SNX25: variants seen among roughly 807,000 people sequenced by gnomAD.
SNX25 encodes sorting nexin-25.
SNX25 carries 62 observed loss-of-function variants against 113.7 expected under a neutral mutation model. The ratio of observed to expected loss-of-function variants is 0.55; its 90% confidence interval spans 0.44 to 0.67. SNX25 has a LOEUF of 0.67. Among genes scored for constraint, SNX25 ranks in the 30% least tolerant of loss-of-function variants. The pLI is 0.00. For missense variants in SNX25, 1,014 were observed against 1,161.0 expected (o/e 0.87, Z 1.84); for synonymous variants, 421 against 436.2 (o/e 0.97, Z 0.43).
chr4:185,251,570 C>T (rs1431341585), intron 2 of SNX25, among the ~76,000 whole-genome samples: 1 of 149,574 alleles, frequency 6.7e-6, no homozygotes, highest in Non-Finnish European at 1.5e-5. Context: ...GATTTCCTTC[C>T]GTTTTCAGGC....
chr4:185,243,840 T>G (rs1233967132), intron 1 of SNX25, among the ~76,000 whole-genome samples: 2 of 152,060 alleles, frequency 1.3e-5, no homozygotes, highest in Admixed American at 1.3e-4. Flanking sequence ...ACTAGGAAGA[T>G]AAAAAATAAG....
exon 12 of SNX25, chr4:185,369,962 C>T (rs2095409553): frequency 3.8e-6 from 1 of 266,080 alleles, no homozygotes; most frequent in Admixed American, 5.2e-5. Flanking sequence ...CACTGCTCTA[C>T]CAAGTCTGCT....
chr4:185,360,912 C>A (rs2095358401), intron 16 of SNX25, among the ~76,000 whole-genome samples: 1 of 132,454 alleles, frequency 7.5e-6, no homozygotes, highest in Admixed American at 7.2e-5. Flanking sequence ...GAGCGAGACT[C>A]CGTCTCAAAA....
In SNX25 at chr4:185,362,064, C is replaced by G. The variant is rs747982573; in HGVS notation, c.2792C>G (p.Thr931Arg). 1 of 1,613,960 alleles carries G rather than the reference C, an allele frequency of 6.2e-7. No homozygotes were observed. Among genetic ancestry groups the G allele is most frequent in the Admixed American group, 1.7e-5 (1 of 60,006 alleles). The change falls in exon 17 of 19, where the codon ACA becomes AGA. Residue 931 changes from threonine (T) to arginine (R), a missense_variant. Thr to Arg is a moderately conservative substitution (Grantham distance 71). Coordinates refer to ENST00000652585, the MANE Select transcript of SNX25 (RefSeq NM_001378034.2). ...TIRSKEQSQE[T>R]KQRAQQKLLE... The stretch of plus-strand genomic sequence containing the variant: ...AGAAGCAAAGAGCAAAGTCAGGAAA[C>G]AAAACAGAGAGCACAGCAAAAGCTG...
intron 2 of SNX25, 32 bp from the exon 3 acceptor site, chr4:185,258,816 G>GT: frequency 1.9e-6 from 3 of 1,562,780 alleles, no homozygotes; most frequent in Non-Finnish European, 2.6e-6. Context: ...TCTTTCATTT[G>GT]TTTTACTCAT....
the SNX25 span, chr4:185,377,991 AAC>A: frequency 9.3e-7 from 1 of 1,070,002 alleles, no homozygotes; most frequent in Non-Finnish European, 1.4e-6. Context: ...AAATCAATAA[AAC>A]ACATTATTTC....
At chr4:185,331,344 G>A (rs1215639989) in intron 9 of SNX25, among the ~76,000 whole-genome samples, 5 of 152,096 alleles carry the variant, frequency 3.3e-5, no homozygotes, top group East Asian at 3.8e-4. Flanking sequence ...CAATGCTGAC[G>A]TAAAAATGAT....
At chr4:185,257,031 C>T (rs541885239) in intron 2 of SNX25, among the ~76,000 whole-genome samples, 3 of 151,946 alleles carry the variant, frequency 2.0e-5, no homozygotes, top group African/African-American at 4.8e-5. Flanking sequence ...GTTAGTTGTT[C>T]GTAGGGAATT....
the SNX25 span, chr4:185,378,412 C>T: frequency 1.5e-6 from 2 of 1,353,900 alleles, no homozygotes; most frequent in Non-Finnish European, 1.9e-6. Context: ...AGCCATTCTC[C>T]ATGTCATTTT....
At chr4:185,305,300 T>C (rs1560990988) in intron 6 of SNX25, among the ~76,000 whole-genome samples, 1 of 152,188 alleles carries the variant, frequency 6.6e-6, no homozygotes, top group South Asian at 2.1e-4. Flanking sequence ...CCCTGCCCTG[T>C]ATTATCCATT....
At chr4:185,304,660 A>AT (rs1018859217) in intron 6 of SNX25, among the ~76,000 whole-genome samples, 10 of 151,368 alleles carry the variant, frequency 6.6e-5, no homozygotes, top group African/African-American at 1.5e-4. Flanking sequence ...CCGGGCCTAA[A>AT]TTTTTTTTTA....
intron 5 of SNX25, among the ~76,000 whole-genome samples, chr4:185,271,071 C>T (rs1225303500): frequency 2.0e-5 from 3 of 152,100 alleles, no homozygotes; most frequent in African/African-American, 2.4e-5. Flanking sequence ...TGGCCTCCTG[C>T]CACAGCGTAC....
Position 185,346,551 on chromosome 4 carries a change from A to G in SNX25, c.2202A>G (p.Leu734=). ...TCCCCCCACAGTGCGTCCCTTCTTT[A>G]AAAAAAGTCCAGTTGCCTTCTCTTA... is the stretch of plus-strand genomic sequence containing the variant. ...HRKLSECVPS[L]KKVQLPSLSK... Residue 734 remains leucine, a synonymous_variant, in exon 13 of 19, where the codon TTA becomes TTG. Transcript: ENST00000652585. 1 of 1,592,690 alleles carries G rather than the reference A, an allele frequency of 6.3e-7. No homozygotes were observed. The highest frequency in any genetic ancestry group is 8.5e-7 in the Non-Finnish European group (1 of 1,173,756).
chr4:185,320,406 C>T lies in SNX25; in HGVS notation c.1345-327C>T, dbSNP rs146439621. Among the ~76,000 whole-genome samples, 582 of 152,066 alleles carry T rather than the reference C, an allele frequency of 3.8e-3. 2 individuals are homozygous for T. The highest frequency in any genetic ancestry group is 0.013 in the African/African-American group (550 of 41,476). The stretch of plus-strand genomic sequence containing the variant: ...AAACCAAACACCACATGTTCTCACT[C>T]GTAAGTGGGAGCTGAACAATGAGAA... On this transcript the variant is annotated intron_variant, in intron 7 of 18. Transcript: ENST00000652585.
chr4:185,368,582 C>A (rs189857540), downstream of SNX25, among the ~76,000 whole-genome samples: 438 of 152,248 alleles, frequency 2.9e-3, 6 homozygotes, highest in African/African-American at 0.01. Context: ...TCATATCATG[C>A]GTCATATGAT....
chr4:185,365,086 C>A (rs1226005778), downstream of SNX25: 1 of 152,064 alleles, frequency 6.6e-6, no homozygotes, highest in African/African-American at 2.4e-5. Flanking sequence ...GTTACAGACT[C>A]ACCGCAGTCT....
At chr4:185,228,923 G>A (rs1014290941) in intron 1 of SNX25, among the ~76,000 whole-genome samples, 1 of 152,190 alleles carries the variant, frequency 6.6e-6, no homozygotes, top group Admixed American at 6.5e-5. Context: ...CTAGCTAAAG[G>A]TGACAGAGCT....
chr4:185,350,171 A>T (rs2095308230), intron 13 of SNX25, among the ~76,000 whole-genome samples: 1 of 152,110 alleles, frequency 6.6e-6, no homozygotes, highest in Admixed American at 6.5e-5. Context: ...GCGGGGCAGT[A>T]TTGGGCCCTC....
At chr4:185,371,291 G>A (rs919849485), downstream of SNX25, among the ~76,000 whole-genome samples, 1 of 152,106 alleles carries the variant, frequency 6.6e-6, no homozygotes, top group African/African-American at 2.4e-5. Flanking sequence ...TGTAATCCCA[G>A]CACTTTGGGA....
Sources: gnomAD v4.1 joint callset for allele counts (sites outside exome capture counted in the v4.1 genomes callset) on GRCh38, gnomAD v4.1.1 for gene constraint, MANE v1.5 for transcripts, NCBI Gene and HGNC (gene_info 2026-07-23, HGNC 2026-07-21) for gene names.